Variants in LRRC72 observed in about 807,000 individuals in gnomAD.
LRRC72 encodes the protein leucine-rich repeat-containing protein 72.
LRRC72 carries 41 observed loss-of-function variants against 35.8 expected under a neutral mutation model. The ratio of observed to expected loss-of-function variants is 1.15; its 90% confidence interval spans 0.89 to 1.49. LRRC72 has a LOEUF of 1.49. Ranked by LOEUF, LRRC72 falls within the 40% of genes most tolerant of loss-of-function variation. LRRC72 has a pLI of 0.00. For missense variants in LRRC72, 389 were observed against 330.7 expected (o/e 1.18, Z -1.37); for synonymous variants, 118 against 119.2 (o/e 0.99, Z 0.07).
intron 7 of LRRC72, among the ~76,000 whole-genome samples, chr7:16,572,080 G>T (rs946545806): frequency 6.6e-6 from 1 of 152,074 alleles, no homozygotes; most frequent in Admixed American, 6.6e-5. Flanking sequence ...AAGCCGCCAG[G>T]AAGTTCAGAC....
intron 3 of LRRC72, among the ~76,000 whole-genome samples, chr7:16,556,306 G>A (rs534280891): frequency 6.6e-6 from 1 of 152,308 alleles, no homozygotes; most frequent in East Asian, 1.9e-4. Flanking sequence ...ATAAGGTGCT[G>A]AAGAAACATG....
At chr7:16,550,837 A>G (rs1470732895) in intron 3 of LRRC72, among the ~76,000 whole-genome samples, 1 of 152,204 alleles carries the variant, frequency 6.6e-6, no homozygotes, top group Non-Finnish European at 1.5e-5. Context: ...GGTTAAATCA[A>G]TATTCACTGG....
chr7:16,545,886 T>C (rs1357355202), intron 3 of LRRC72, among the ~76,000 whole-genome samples: 3 of 152,098 alleles, frequency 2.0e-5, no homozygotes, highest in Admixed American at 6.5e-5. Flanking sequence ...CAGGTACAAA[T>C]ATTTTAGTAT....
chr7:16,558,828 A>C, intron 4 of LRRC72, 61 bp from the exon 5 acceptor site: 1 of 1,011,052 alleles, frequency 9.9e-7, no homozygotes, highest in Non-Finnish European at 1.4e-6. Flanking sequence ...TTTTATTTGC[A>C]ATAAAAAAAT....
intron 5 of LRRC72, among the ~76,000 whole-genome samples, chr7:16,561,456 G>A (rs1782742807): frequency 6.6e-6 from 1 of 152,182 alleles, no homozygotes. Flanking sequence ...TCCAGCCCAT[G>A]CCCTGCTTGT....
intron 7 of LRRC72, among the ~76,000 whole-genome samples, chr7:16,570,783 G>C (rs1782930011): frequency 6.6e-6 from 1 of 152,062 alleles, no homozygotes; most frequent in Admixed American, 6.6e-5. Flanking sequence ...TCACACCACT[G>C]CACTCCAACA....
chr7:16,571,027 T>C (rs1411327094), intron 7 of LRRC72, among the ~76,000 whole-genome samples: 2 of 151,926 alleles, frequency 1.3e-5, no homozygotes, highest in Non-Finnish European at 2.9e-5. Context: ...CCAGTTATAC[T>C]GTAGAATGCC....
intron 2 of LRRC72, among the ~76,000 whole-genome samples, chr7:16,533,842 C>T (rs377107915): frequency 6.6e-6 from 1 of 152,022 alleles, no homozygotes; most frequent in African/African-American, 2.4e-5. Context: ...TGCTTTGAGC[C>T]TCTCGATATA....
At chr7:16,575,108 CTG>C (rs924220497) in intron 7 of LRRC72, among the ~76,000 whole-genome samples, 11 of 133,020 alleles carry the variant, frequency 8.3e-5, no homozygotes, top group African/African-American at 3.0e-4. Flanking sequence ...GAGTAAGACT[CTG>C]TCTCAGAAAA....
intron 2 of LRRC72, 47 bp from the exon 3 acceptor site, chr7:16,537,580 G>A (rs1438268133): frequency 8.5e-7 from 1 of 1,170,270 alleles, no homozygotes; most frequent in African/African-American, 1.6e-5. Flanking sequence ...ACTTACCTAT[G>A]TGTGAACTAA....
chr7:16,571,539 G>C (rs1782944601), intron 7 of LRRC72, among the ~76,000 whole-genome samples: 1 of 152,190 alleles, frequency 6.6e-6, no homozygotes, highest in African/African-American at 2.4e-5. Flanking sequence ...GCAGCCCACG[G>C]AGGGACAGCC....
In LRRC72 at chr7:16,528,703, C is replaced by T. The variant is rs10235048; in HGVS notation, c.90+1661C>T. Among the ~76,000 whole-genome samples, 927 of 152,254 alleles carry T rather than the reference C, an allele frequency of 6.1e-3. 10 individuals carry two copies. Among genetic ancestry groups the T allele is most frequent in the African/African-American group, 0.021 (873 of 41,530 alleles). ...TCACTGCACACCAGGCCCCCATACA[C>T]ATCACTGCTAGAGTCATCTTCCTGA... is the stretch of plus-strand genomic sequence containing the variant. On this transcript the variant is annotated intron_variant, in intron 1 of 8. Coordinates refer to ENST00000401542, the MANE Select transcript of LRRC72 (RefSeq NM_001195280.2).
At chr7:16,575,922 C>A (rs561468586) in intron 7 of LRRC72, among the ~76,000 whole-genome samples, 30 of 152,248 alleles carry the variant, frequency 2.0e-4, no homozygotes, top group African/African-American at 6.7e-4. Flanking sequence ...ATCTACATTT[C>A]TTTTGTTTAA....
intron 7 of LRRC72, among the ~76,000 whole-genome samples, chr7:16,572,847 G>A (rs1782971502): frequency 6.6e-6 from 1 of 152,110 alleles, no homozygotes; most frequent in Non-Finnish European, 1.5e-5. Context: ...CAAATAGGAA[G>A]AGAGGAAGTC....
chr7:16,557,985 T>C (rs529901776), intron 4 of LRRC72, among the ~76,000 whole-genome samples: 4 of 145,192 alleles, frequency 2.8e-5, no homozygotes, highest in Non-Finnish European at 6.0e-5. Flanking sequence ...AGGCCCATCA[T>C]GATGTCATGC....
At chr7:16,561,115 A>C (rs1487799017) in intron 5 of LRRC72, among the ~76,000 whole-genome samples, 1 of 152,180 alleles carries the variant, frequency 6.6e-6, no homozygotes, top group Admixed American at 6.5e-5. Context: ...CATTCATTTA[A>C]TAAATGTTTA....
At chr7:16,571,456 A>G (rs1000229894) in intron 7 of LRRC72, among the ~76,000 whole-genome samples, 1 of 152,218 alleles carries the variant, frequency 6.6e-6, no homozygotes, top group Admixed American at 6.5e-5. Flanking sequence ...AGATCCACAC[A>G]GAAGGCGAGT....
chr7:16,536,626 T>C (rs12671061), intron 2 of LRRC72, among the ~76,000 whole-genome samples: 14,599 of 152,154 alleles, frequency 0.096, 833 homozygotes, highest in East Asian at 0.2. Context: ...AGGTTTGACA[T>C]TTTTCAATAT....
At chr7:16,542,379 C>T (rs1339784779) in intron 3 of LRRC72, among the ~76,000 whole-genome samples, 2 of 152,210 alleles carry the variant, frequency 1.3e-5, no homozygotes, top group Non-Finnish European at 2.9e-5. Context: ...TATATTATTT[C>T]TGTGAACCCC....
Sources: allele counts gnomAD v4.1 joint callset (sites outside exome capture counted in the v4.1 genomes callset), GRCh38; gene constraint gnomAD v4.1.1; transcripts MANE v1.5; gene names NCBI Gene and HGNC (gene_info 2026-07-23, HGNC 2026-07-21).